BTBD7: variants seen among roughly 807,000 people sequenced by gnomAD.
BTBD7 encodes the protein BTB domain containing 7.
In BTBD7, 38 loss-of-function variants were observed where a neutral mutation model predicts 99.9. The observed-to-expected ratio is 0.38, with a 90% CI of 0.29 to 0.50. The LOEUF is 0.50. Among genes scored for constraint, BTBD7 ranks in the 20% least tolerant of loss-of-function variants. BTBD7 has a pLI of 0.93. For missense variants in BTBD7, 1,170 were observed against 1,394.6 expected (o/e 0.84, Z 2.57); for synonymous variants, 520 against 511.4 (o/e 1.02, Z -0.23).
intron 1 of BTBD7, among the ~76,000 whole-genome samples, chr14:93,311,404 G>A (rs1404258780): frequency 6.6e-6 from 1 of 152,160 alleles, no homozygotes; most frequent in Non-Finnish European, 1.5e-5. Context: ...TCCCTTTAGT[G>A]GGAAATGGTA....
chr14:93,328,842 C>T (rs1455808340), intron 1 of BTBD7, among the ~76,000 whole-genome samples: 2 of 152,030 alleles, frequency 1.3e-5, no homozygotes, highest in Non-Finnish European at 2.9e-5. Flanking sequence ...TGTTTGAGAC[C>T]AGAGTTCAAG....
chr14:93,301,914 G>A (rs903309882), intron 1 of BTBD7, among the ~76,000 whole-genome samples: 11 of 152,328 alleles, frequency 7.2e-5, no homozygotes, highest in African/African-American at 1.9e-4. Context: ...GAGACAGACA[G>A]CAGAGCCTGG....
At chr14:93,307,974 C>T (rs1198814934) in intron 1 of BTBD7, among the ~76,000 whole-genome samples, 3 of 152,176 alleles carry the variant, frequency 2.0e-5, no homozygotes, top group African/African-American at 4.8e-5. Context: ...TATTCCTTCA[C>T]AGTCTAAGCC....
At chr14:93,321,892 A>G (rs1357107825) in intron 1 of BTBD7, among the ~76,000 whole-genome samples, 1 of 152,164 alleles carries the variant, frequency 6.6e-6, no homozygotes, top group Admixed American at 6.5e-5. Flanking sequence ...TTCTTGGTGA[A>G]AATAATAGAA....
chr14:93,319,590 G>T (rs1030615892), intron 1 of BTBD7, among the ~76,000 whole-genome samples: 1 of 152,128 alleles, frequency 6.6e-6, no homozygotes, highest in African/African-American at 2.4e-5. Flanking sequence ...AATGATAAGT[G>T]AGTATCTAAA....
intron 3 of BTBD7, among the ~76,000 whole-genome samples, chr14:93,281,321 G>A (rs1463003659): frequency 1.3e-5 from 2 of 151,656 alleles, no homozygotes; most frequent in African/African-American, 4.8e-5. Context: ...TTTTTTTGTA[G>A]AGGCAGAGTT....
intron 1 of BTBD7, among the ~76,000 whole-genome samples, chr14:93,306,652 A>C (rs1006012239): frequency 6.6e-6 from 1 of 152,188 alleles, no homozygotes; most frequent in African/African-American, 2.4e-5. Context: ...TTCTAAAAAG[A>C]TAAATGGAGA....
chr14:93,331,308 C>T (rs1168921554), intron 1 of BTBD7, among the ~76,000 whole-genome samples: 1 of 152,100 alleles, frequency 6.6e-6, no homozygotes, highest in African/African-American at 2.4e-5. Context: ...GTGTAGAGGC[C>T]TACATCTTAG....
chr14:93,272,682 T>C (rs1401976303), intron 3 of BTBD7, among the ~76,000 whole-genome samples: 1 of 152,208 alleles, frequency 6.6e-6, no homozygotes, highest in Non-Finnish European at 1.5e-5. Context: ...AAATCTATTT[T>C]TAAAAGGCAA....
Position 93,240,218 on chromosome 14 carries a change from G to A in BTBD7, c.*2055C>T, listed in dbSNP as rs1053709323. On this transcript the variant is annotated 3_prime_UTR_variant, in exon 11 of 11. Coordinates refer to ENST00000334746, the MANE Select transcript of BTBD7 (RefSeq NM_001002860.4). ...CGTGCACCACCACCAGTGTCACCGA[G>A]CGCACCCGCACAGCAGCTAACCAGT... The A allele has an allele frequency of 6.6e-6, 1 of 152,656 alleles. No homozygotes were observed. The highest frequency in any genetic ancestry group is 2.4e-5 in the African/African-American group (1 of 41,448). The allele number at this position is 152,656 out of a possible 1,614,324, so 9.5% of individuals were successfully genotyped here.
chr14:93,323,454 T>C (rs776287623), intron 1 of BTBD7, among the ~76,000 whole-genome samples: 8 of 152,206 alleles, frequency 5.3e-5, no homozygotes, highest in Non-Finnish European at 8.8e-5. Flanking sequence ...ATCACTAACA[T>C]TCACTACAAA....
At chr14:93,280,072 AGTG>A (rs2052701527) in intron 3 of BTBD7, among the ~76,000 whole-genome samples, 1 of 152,242 alleles carries the variant, frequency 6.6e-6, no homozygotes, top group African/African-American at 2.4e-5. Flanking sequence ...GTAGTTTAGA[AGTG>A]GTGTTCACAC....
chr14:93,263,749 T>A (rs910071606), intron 4 of BTBD7, 36 bp downstream of exon 4: 76 of 1,572,870 alleles, frequency 4.8e-5, no homozygotes, highest in Non-Finnish European at 6.5e-5. Flanking sequence ...GGCGCACATA[T>A]GAATGACAGA....
In BTBD7 at chr14:93,296,116, G is replaced by A; in HGVS notation, c.-65C>T. Reference sequence around the variant, plus strand: ...AGAGTATAATCCCAGAGGCCTTTATGAACCTTCAACCCTGGATCCAGCAGC... The same window carrying A: ...AGAGTATAATCCCAGAGGCCTTTATAAACCTTCAACCCTGGATCCAGCAGC... On this transcript the variant is annotated 5_prime_UTR_variant, in exon 2 of 11. Transcript: ENST00000334746. The A allele has an allele frequency of 6.4e-7, 1 of 1,561,820 alleles. No homozygotes were observed. The highest frequency in any genetic ancestry group is 8.7e-7 in the Non-Finnish European group (1 of 1,151,962).
rs2052524533 is a variant in BTBD7, at chr14:93,264,818, A to G, written c.1163-825T>C. On this transcript the variant is annotated intron_variant, in intron 3 of 10. Transcript: ENST00000334746. ...AAACAGGTGTTTAAACACCACCACC[A>G]GGCCGGACACAGTGGCTCTTGCTTG... Among the ~76,000 whole-genome samples the G allele has an allele frequency of 2.0e-5, 3 of 152,334 alleles. No individual in the cohort carries two copies. The South Asian group carries it at 6.2e-4, about 32-fold the overall frequency.
chr14:93,273,378 A>C (rs1425899589), intron 3 of BTBD7, among the ~76,000 whole-genome samples: 3 of 152,236 alleles, frequency 2.0e-5, no homozygotes, highest in Non-Finnish European at 4.4e-5. Flanking sequence ...CATTCTTCAA[A>C]GTCTGAAGAC....
chr14:93,244,135 A>C, intron 10 of BTBD7: 1 of 482,822 alleles, frequency 2.1e-6, no homozygotes. Context: ...GCATGACAGG[A>C]AGCAGAGTGA....
chr14:93,279,989 A>G (rs946543275), intron 3 of BTBD7, among the ~76,000 whole-genome samples: 2 of 152,200 alleles, frequency 1.3e-5, no homozygotes, highest in Non-Finnish European at 2.9e-5. Context: ...ACCTAATGTG[A>G]TGATCAGATC....
chr14:93,288,082 C>G (rs1050477209), intron 3 of BTBD7: 4 of 171,640 alleles, frequency 2.3e-5, no homozygotes, highest in African/African-American at 9.6e-5. Flanking sequence ...TCAATACCAT[C>G]TGATTCCTAT....
Sources: gnomAD v4.1 joint callset for allele counts (sites outside exome capture counted in the v4.1 genomes callset) on GRCh38, gnomAD v4.1.1 for gene constraint, MANE v1.5 for transcripts, NCBI Gene and HGNC (gene_info 2026-07-23, HGNC 2026-07-21) for gene names.